The following AGBL2 variants were observed in gnomAD, a reference collection of about 807,000 sequenced individuals.
The protein encoded by AGBL2 is cytosolic carboxypeptidase 2.
AGBL2 carries 87 observed loss-of-function variants against 103.0 expected under a neutral mutation model. The observed-to-expected ratio is 0.84, with a 90% CI of 0.71 to 1.01. The LOEUF is 1.01. Ranked by LOEUF, AGBL2 falls within the 50% of genes least tolerant of loss-of-function variation. The pLI is 0.00. For missense variants in AGBL2, 904 were observed against 1,023.5 expected (o/e 0.88, Z 1.59); for synonymous variants, 335 against 356.7 (o/e 0.94, Z 0.69).
At chr11:47,713,884 C>A (rs1487462804) in intron 3 of AGBL2, among the ~76,000 whole-genome samples, 7 of 151,962 alleles carry the variant, frequency 4.6e-5, no homozygotes, top group Non-Finnish European at 2.9e-5. Context: ...CCACCGTGCC[C>A]GGCCGCCAAT....
intron 8 of AGBL2, among the ~76,000 whole-genome samples, chr11:47,698,627 C>T (rs188056692): frequency 6.6e-6 from 1 of 152,224 alleles, no homozygotes; most frequent in African/African-American, 2.4e-5. Flanking sequence ...CCATAAATAT[C>T]CCTGGCACTG....
At chr11:47,662,896 T>A (rs1275038976) in intron 18 of AGBL2, 130 bp downstream of exon 18, 1 of 780,820 alleles carries the variant, frequency 1.3e-6, no homozygotes, top group African/African-American at 1.8e-5. Context: ...GATGTTCACC[T>A]GCGCAGAACG....
chr11:47,698,458 C>A (rs1254562868), intron 8 of AGBL2, among the ~76,000 whole-genome samples: 1 of 152,188 alleles, frequency 6.6e-6, no homozygotes, highest in East Asian at 1.9e-4. Context: ...AGGCGTGAGC[C>A]ACAGCGCCCA....
intron 16 of AGBL2, among the ~76,000 whole-genome samples, 178 bp downstream of exon 16, chr11:47,667,393 C>T (rs997262433): frequency 6.6e-6 from 1 of 152,138 alleles, no homozygotes; most frequent in South Asian, 2.1e-4. Flanking sequence ...AAGGCCAAAA[C>T]CTGCTCGGAG....
At chr11:47,712,950 G>C (rs1277776884) in intron 3 of AGBL2, among the ~76,000 whole-genome samples, 1 of 152,070 alleles carries the variant, frequency 6.6e-6, no homozygotes, top group Non-Finnish European at 1.5e-5. Flanking sequence ...GCTGAGGCAG[G>C]AAAATCGCTT....
In AGBL2 at chr11:47,677,405, T is replaced by C. The variant is rs769497715; in HGVS notation, c.2017-4A>G. The C allele has an allele frequency of 6.8e-7, 1 of 1,479,748 alleles. No homozygotes were observed. Among genetic ancestry groups the C allele is most frequent in the Non-Finnish European group, 8.9e-7 (1 of 1,118,216 alleles). 91.7% of individuals were successfully genotyped at this position (1,479,748 alleles called of 1,614,324 possible). A position where few individuals can be genotyped will look rare whatever the true frequency, so the allele number is the denominator to read the frequency against. Reference sequence around the variant, plus strand: ...GCTCTGCTAGACACTGAGTGAACTATGAAAGTGAAAAAAAGAACTATTTTG... The same window carrying C: ...GCTCTGCTAGACACTGAGTGAACTACGAAAGTGAAAAAAAGAACTATTTTG... On this transcript the variant is annotated splice_region_variant and splice_polypyrimidine_tract_variant and intron_variant, in intron 13 of 18. Coordinates refer to ENST00000525123, the MANE Select transcript of AGBL2 (RefSeq NM_024783.4).
In AGBL2 at chr11:47,670,333, A is replaced by T. The variant is rs80233884; in HGVS notation, c.2148-1426T>A. On this transcript the variant is annotated intron_variant, in intron 14 of 18. Transcript: ENST00000525123. ...TGTATCTACAAAAAATGTTTTTTTT[A>T]AAATTAGCTAGTAATGGTGGTGCCT... 9.6e-3 allele frequency among the ~76,000 whole-genome samples: 1,458 copies of T among 152,214 alleles called. 12 individuals carry two copies. Among genetic ancestry groups the T allele is most frequent in the African/African-American group, 0.023 (948 of 41,538 alleles).
chr11:47,707,252 AATACTAC>A (rs1465390995), intron 4 of AGBL2, among the ~76,000 whole-genome samples: 5 of 152,156 alleles, frequency 3.3e-5, no homozygotes, highest in Non-Finnish European at 5.9e-5. Context: ...TGAAAAGGGA[AATACTAC>A]ATCAAGGGTA....
At chr11:47,675,387 T>G (rs2097371545) in intron 14 of AGBL2, among the ~76,000 whole-genome samples, 1 of 130,352 alleles carries the variant, frequency 7.7e-6, no homozygotes, top group Non-Finnish European at 1.6e-5. Context: ...TTTTTTTTTT[T>G]TTTTTTTTTT....
chr11:47,677,866 G>A (rs926431118), intron 13 of AGBL2, among the ~76,000 whole-genome samples: 1 of 152,170 alleles, frequency 6.6e-6, no homozygotes, highest in Non-Finnish European at 1.5e-5. Context: ...CATGTTAACA[G>A]AAAATTACAT....
Position 47,682,103 on chromosome 11 carries a change from G to A in AGBL2, c.1789-8C>T. Reference sequence around the variant, plus strand: ...ACAACTGTGAAAAGAGAACTAAAAAGAAATCCAAATTTTCTGTTAATCATA... The same window carrying A: ...ACAACTGTGAAAAGAGAACTAAAAAAAAATCCAAATTTTCTGTTAATCATA... On this transcript the variant is annotated splice_polypyrimidine_tract_variant and splice_region_variant and intron_variant, in intron 11 of 18. Transcript: ENST00000525123. The A allele has an allele frequency of 6.2e-7, 1 of 1,611,420 alleles. No homozygotes were observed. The highest frequency in any genetic ancestry group is 8.5e-7 in the Non-Finnish European group (1 of 1,178,552).
At chr11:47,695,105 G>T (rs1198355109) in intron 8 of AGBL2, among the ~76,000 whole-genome samples, 3 of 150,644 alleles carry the variant, frequency 2.0e-5, no homozygotes, top group Admixed American at 1.3e-4. Context: ...AGCCGAGATT[G>T]CGCCACTGCA....
At chr11:47,688,924 C>T (rs1026786520) in intron 10 of AGBL2, among the ~76,000 whole-genome samples, 1 of 152,040 alleles carries the variant, frequency 6.6e-6, no homozygotes, top group Admixed American at 6.6e-5. Flanking sequence ...TTAGTAGAGA[C>T]GAGGTTTCAC....
At chr11:47,693,411 G>T (rs1471124990) in intron 8 of AGBL2, among the ~76,000 whole-genome samples, 1 of 152,138 alleles carries the variant, frequency 6.6e-6, no homozygotes, top group Middle Eastern at 3.2e-3. Flanking sequence ...ATGGTATGAA[G>T]TAGGGATTCA....
chr11:47,684,245 G>T (rs2097414590), intron 11 of AGBL2, among the ~76,000 whole-genome samples: 1 of 150,906 alleles, frequency 6.6e-6, no homozygotes, highest in Non-Finnish European at 1.5e-5. Context: ...TGCACGATCT[G>T]GGTGACAGAG....
intron 14 of AGBL2, among the ~76,000 whole-genome samples, chr11:47,674,322 G>A (rs2097367204): frequency 6.6e-6 from 1 of 152,066 alleles, no homozygotes; most frequent in Non-Finnish European, 1.5e-5. Context: ...AGCACTTTGG[G>A]AGGCCGAGGT....
At chr11:47,704,055 T>C (rs148452860) in intron 7 of AGBL2, among the ~76,000 whole-genome samples, 381 of 151,760 alleles carry the variant, frequency 2.5e-3, no homozygotes, top group Middle Eastern at 0.014. Flanking sequence ...TGAGTCGAGA[T>C]TGCGCCACTG....
At chr11:47,695,590 C>T (rs190737435) in intron 8 of AGBL2, among the ~76,000 whole-genome samples, 2 of 148,608 alleles carry the variant, frequency 1.3e-5, no homozygotes, top group Non-Finnish European at 3.0e-5. Context: ...GCCTGGGCAG[C>T]GGTGAAACCC....
rs554208693 is a variant in AGBL2 at position 47,666,272 on chromosome 11, T to C, written c.2448+684A>G. 4.2e-4 allele frequency among the ~76,000 whole-genome samples: 64 copies of C among 151,472 alleles called. 1 individual carries two copies. The highest frequency in any genetic ancestry group is 1.5e-3 in the African/African-American group (63 of 41,280). Reference sequence around the variant, plus strand: ...AGCCGAGCATGGTGGTGGGCACCTGTAATCCCAGCTACTCCAGAGGCTGAG... The same window carrying C: ...AGCCGAGCATGGTGGTGGGCACCTGCAATCCCAGCTACTCCAGAGGCTGAG... On this transcript the variant is annotated intron_variant, in intron 17 of 18. Coordinates refer to ENST00000525123, the MANE Select transcript of AGBL2 (RefSeq NM_024783.4).
Sources: allele counts gnomAD v4.1 joint callset (sites outside exome capture counted in the v4.1 genomes callset), GRCh38; gene constraint gnomAD v4.1.1; transcripts MANE v1.5; gene names NCBI Gene and HGNC (gene_info 2026-07-23, HGNC 2026-07-21).